The following COL12A1 variants were observed in gnomAD, a reference collection of about 807,000 sequenced individuals.
COL12A1 encodes the protein collagen alpha-1(XII) chain.
Under a neutral mutation model 349.7 loss-of-function variants are expected in COL12A1, and 114 were observed. That is an observed-to-expected ratio of 0.33 (90% CI 0.28 to 0.38). COL12A1 has a LOEUF of 0.38. Ranked by LOEUF, COL12A1 falls within the 10% of genes least tolerant of loss-of-function variation. The pLI, the probability that COL12A1 is intolerant of heterozygous loss-of-function variation, is 1.00. For missense variants in COL12A1, 3,284 were observed against 3,756.9 expected (o/e 0.87, Z 3.29); for synonymous variants, 1,369 against 1,329.0 (o/e 1.03, Z -0.66).
rs1210901422 is a variant in COL12A1 at position 75,184,009 on chromosome 6, T to C, written c.1133A>G (p.His378Arg). ...LTPMTAGSRQ[H>R]ALSVGPQTTT... ...TGTCTGAGGCCCCACACTCAGAGCGTGCTGTCGGCTTCCTGCAGTCATTGG... is the reference window on the plus strand; with the variant it reads ...TGTCTGAGGCCCCACACTCAGAGCGCGCTGTCGGCTTCCTGCAGTCATTGG... Residue 378 changes from histidine (H) to arginine (R), a missense_variant, in exon 9 of 66, where the codon CAC (histidine) becomes CGC (arginine). His to Arg is a conservative substitution (Grantham distance 29). This residue lies in a region of COL12A1 where 2,601 missense variants were observed against 2,824.8 expected (regional missense o/e 0.92). Coordinates refer to ENST00000322507, the MANE Select transcript of COL12A1 (RefSeq NM_004370.6). 1.2e-6 allele frequency: 2 copies of C among 1,614,072 alleles called. No homozygotes were observed. The highest frequency in any genetic ancestry group is 1.7e-6 in the Non-Finnish European group (2 of 1,180,040).
chr6:75,181,256 AAAACAAAACAG>A, intron 10 of COL12A1, 45 bp from the exon 11 acceptor site: 2 of 1,526,450 alleles, frequency 1.3e-6, no homozygotes, highest in Non-Finnish European at 1.8e-6. Flanking sequence ...TTGAATCTAT[AAAACAAAACAG>A]TAACCAATAT....
At chr6:75,103,727 G>C (rs759877118) in intron 55 of COL12A1, 30 bp downstream of exon 55, 1 of 1,597,188 alleles carries the variant, frequency 6.3e-7, no homozygotes, top group African/African-American at 1.3e-5. Context: ...ATATAGATAA[G>C]AATTTAAATG....
intron 15 of COL12A1, 127 bp downstream of exon 15, chr6:75,156,130 T>C: frequency 8.5e-7 from 1 of 1,181,862 alleles, no homozygotes; most frequent in East Asian, 2.5e-5. Context: ...TTAGACATTG[T>C]CTAGTAATTA....
chr6:75,097,286 A>C lies in COL12A1; in HGVS notation c.8544T>G (p.Gly2848=). 6.2e-7 allele frequency: 1 copy of C among 1,613,920 alleles called. No individual in the cohort carries two copies. The highest frequency in any genetic ancestry group is 8.5e-7 in the Non-Finnish European group (1 of 1,179,862). The change falls in exon 59 of 66, where the codon GGT becomes GGG. Residue 2848 remains glycine (G), a synonymous_variant. Transcript: ENST00000322507. The part of the protein sequence containing the change: ...PGDRGFTGKD[G]AMGPRGPPGP... ...CTGGTGGGCCCCTGGGTCCCATTGC[A>C]CCGTCTTTTCCAGTGAAGCCCTATT...
At chr6:75,180,571 C>CATATATAT (rs1014346865) in intron 11 of COL12A1, among the ~76,000 whole-genome samples, 1 of 150,728 alleles carries the variant, frequency 6.6e-6, no homozygotes, top group African/African-American at 2.5e-5. Flanking sequence ...CCTATATATA[C>CATATATAT]ATATATATAT....
At chr6:75,118,270 C>CAA (rs1191815233) in intron 46 of COL12A1, among the ~76,000 whole-genome samples, 1 of 152,020 alleles carries the variant, frequency 6.6e-6, no homozygotes, top group Non-Finnish European at 1.5e-5. Flanking sequence ...AAAAGATCAG[C>CAA]AAGAACAACC....
In COL12A1 at chr6:75,151,975, G is replaced by C. The variant is rs376766442; in HGVS notation, c.3892C>G (p.Pro1298Ala). The change falls in exon 20 of 66, where the codon CCT (proline) becomes GCT (alanine). Residue 1298 changes from proline (P) to alanine (A), a missense_variant. Physicochemically the swap from Pro to Ala is conservative, Grantham distance 27. Coordinates refer to ENST00000322507, the MANE Select transcript of COL12A1 (RefSeq NM_004370.6). ...QNFRTQAGMR[P>A]RARKIGVLIT... ...AGCACACCAATTTTTCGAGCTCGAG[G>C]TCTCATGCCAGCTTGGGTCCTGAAG... is the stretch of plus-strand genomic sequence containing the variant. The C allele has an allele frequency of 1.2e-6, 2 of 1,613,806 alleles. No homozygotes were observed. Among genetic ancestry groups the C allele is most frequent in the Non-Finnish European group, 1.7e-6 (2 of 1,179,824 alleles).
At chr6:75,118,958 C>T in intron 46 of COL12A1, 85 bp downstream of exon 46, 2 of 1,550,848 alleles carry the variant, frequency 1.3e-6, no homozygotes, top group Non-Finnish European at 1.8e-6. Flanking sequence ...AAAGTAACAT[C>T]AGCAAATTTA....
chr6:75,160,494 G>C (rs1014767742), intron 14 of COL12A1, among the ~76,000 whole-genome samples: 6 of 152,176 alleles, frequency 3.9e-5, no homozygotes, highest in Non-Finnish European at 7.3e-5. Context: ...CTGAATAGCA[G>C]ATCTCACTCA....
rs1770600557 is a variant in COL12A1 at position 75,202,820 on chromosome 6, G to C, written c.-28C>G. On this transcript the variant is annotated 5_prime_UTR_variant, in exon 2 of 66. Coordinates refer to ENST00000322507, the MANE Select transcript of COL12A1 (RefSeq NM_004370.6). ...TTGGCCTCCGAGCTTACAGCGGCAT[G>C]AAGAGATCTGCGGGAGGAAGTAGTG... The C allele has an allele frequency of 6.5e-7, 1 of 1,549,596 alleles. No individual in the cohort carries two copies. Among genetic ancestry groups the C allele is most frequent in the Admixed American group, 2.0e-5 (1 of 50,992 alleles).
intron 24 of COL12A1, 55 bp downstream of exon 24, chr6:75,146,047 A>G: frequency 2.7e-6 from 4 of 1,504,946 alleles, no homozygotes; most frequent in Non-Finnish European, 3.6e-6. Flanking sequence ...AATAGGCACT[A>G]TAAAGCTATA....
chr6:75,175,729 T>A (rs1768903498), intron 12 of COL12A1, among the ~76,000 whole-genome samples: 1 of 152,078 alleles, frequency 6.6e-6, no homozygotes, highest in African/African-American at 2.4e-5. Flanking sequence ...GCTATGAACA[T>A]CTAAAGGTAA....
intron 16 of COL12A1, 121 bp from the exon 17 acceptor site, chr6:75,154,658 A>AAT: frequency 4.1e-6 from 4 of 967,268 alleles, no homozygotes; most frequent in Non-Finnish European, 5.8e-6. Context: ...AAGAGTTTAT[A>AAT]GTGTACAACA....
intron 65 of COL12A1, 182 bp downstream of exon 65, chr6:75,087,395 C>T (rs1480271400): frequency 1.6e-5 from 9 of 567,074 alleles, no homozygotes; most frequent in Admixed American, 3.8e-5. Flanking sequence ...ATAATTCAAT[C>T]CTAACAGTGA....
intron 37 of COL12A1, among the ~76,000 whole-genome samples, chr6:75,129,406 T>A (rs976694477): frequency 6.6e-6 from 1 of 152,206 alleles, no homozygotes; most frequent in African/African-American, 2.4e-5. Context: ...ACCATCAACA[T>A]CTTGTGCAAT....
Position 75,134,874 on chromosome 6 carries a change from T to G in COL12A1, c.5395-19A>C. Reference sequence around the variant, plus strand: ...TTGTGGTCTTGAGTAAAAAGGGTCTTGGTAAGTGTCAGCCTTGCTCTCTCC... The same window carrying G: ...TTGTGGTCTTGAGTAAAAAGGGTCTGGGTAAGTGTCAGCCTTGCTCTCTCC... On this transcript the variant is annotated intron_variant, in intron 31 of 65. Transcript: ENST00000322507. 1 of 1,606,706 alleles carries G rather than the reference T, an allele frequency of 6.2e-7. No individual in the cohort carries two copies. The highest frequency in any genetic ancestry group is 8.5e-7 in the Non-Finnish European group (1 of 1,175,184).
chr6:75,159,386 G>C (rs978790878), intron 14 of COL12A1, among the ~76,000 whole-genome samples: 1 of 147,290 alleles, frequency 6.8e-6, no homozygotes, highest in Admixed American at 6.8e-5. Context: ...CTCCAGGTAC[G>C]TGAACTATTA....
chr6:75,127,646 A>C (rs1395442646), intron 38 of COL12A1, among the ~76,000 whole-genome samples: 1 of 152,126 alleles, frequency 6.6e-6, no homozygotes, highest in African/African-American at 2.4e-5. Flanking sequence ...CCCACACCTC[A>C]CATAGTTACA....
intron 50 of COL12A1, 104 bp from the exon 51 acceptor site, chr6:75,113,417 T>C: frequency 1.0e-6 from 1 of 976,654 alleles, no homozygotes; most frequent in Non-Finnish European, 1.4e-6. Flanking sequence ...AAAAATATAA[T>C]AATTTCAGTT....
Sources: gnomAD v4.1 joint callset for allele counts (sites outside exome capture counted in the v4.1 genomes callset) on GRCh38, gnomAD v4.1.1 for gene constraint, gnomAD v4.1.1 regional missense constraint, MANE v1.5 for transcripts, NCBI Gene and HGNC (gene_info 2026-07-23, HGNC 2026-07-21) for gene names.